Variants in TMPRSS2 observed in about 807,000 individuals in gnomAD.
The protein encoded by TMPRSS2 is transmembrane protease serine 2.
Under a neutral mutation model 67.4 loss-of-function variants are expected in TMPRSS2, and 59 were observed. The ratio of observed to expected loss-of-function variants is 0.88; its 90% CI spans 0.71 to 1.09. TMPRSS2 has a LOEUF of 1.09. Among genes scored for constraint, TMPRSS2 ranks in the 50% least tolerant of loss-of-function variants. The pLI is 0.00. For synonymous variants in TMPRSS2, 257 were observed against 257.0 expected (o/e 1.00, Z 0.00); for missense variants, 668 against 642.7 (o/e 1.04, Z -0.43).
chr21:41,476,046 A>C (rs1219197956), intron 8 of TMPRSS2, among the ~76,000 whole-genome samples: 1 of 152,102 alleles, frequency 6.6e-6, no homozygotes, highest in Non-Finnish European at 1.5e-5. Context: ...GGAAACTGTA[A>C]GCACTCTAAA....
At chr21:41,492,290 A>G (rs79617378) in intron 3 of TMPRSS2, among the ~76,000 whole-genome samples, 1 of 152,232 alleles carries the variant, frequency 6.6e-6, no homozygotes, top group Non-Finnish European at 1.5e-5. Flanking sequence ...TTGTCAACTC[A>G]GCCTCATGGT....
In TMPRSS2 at chr21:41,494,361, G is replaced by A. The variant is rs2091361413; in HGVS notation, c.233C>T (p.Thr78Ile). ...AAACACAAAGAGAATCCTACTTGAG[G>A]TGCACACTGTCCCGGATGGGGATTT... is the stretch of plus-strand genomic sequence containing the variant. ...QPKSPSGTVC[T>I]SKTKKALCIT... The change falls in exon 3 of 14, where the codon ACC (threonine) becomes ATC (isoleucine). Residue 78 changes from threonine (T) to isoleucine (I), a missense_variant. Transcript: ENST00000332149. 1.2e-6 allele frequency: 2 copies of A among 1,611,316 alleles called. No individual in the cohort carries two copies. Among genetic ancestry groups the A allele is most frequent in the East Asian group, 2.2e-5 (1 of 44,874 alleles).
intron 5 of TMPRSS2, among the ~76,000 whole-genome samples, chr21:41,481,148 C>G (rs1384763902): frequency 6.6e-6 from 1 of 152,186 alleles, no homozygotes; most frequent in East Asian, 1.9e-4. Flanking sequence ...CACTGCAACC[C>G]TCTTAAAACA....
chr21:41,495,450 C>A (rs1371562792), intron 2 of TMPRSS2, among the ~76,000 whole-genome samples: 1 of 151,798 alleles, frequency 6.6e-6, no homozygotes, highest in Non-Finnish European at 1.5e-5. Flanking sequence ...ATGGTGAAAC[C>A]CCATCTGTAC....
rs567258163 is a variant in TMPRSS2, at chr21:41,482,056, G to A, written c.446-1454C>T. On this transcript the variant is annotated intron_variant, in intron 5 of 13. Transcript: ENST00000332149. ...AGCCTGGGTGACAGAGCAAAACTCCGTCTCAATAAATAAATAAATAAATAA... is the reference window on the plus strand; with the variant it reads ...AGCCTGGGTGACAGAGCAAAACTCCATCTCAATAAATAAATAAATAAATAA... 3.9e-4 allele frequency among the ~76,000 whole-genome samples: 60 copies of A among 151,906 alleles called. 1 individual carries two copies. The South Asian group carries it at 0.012, about 30-fold the overall frequency.
At chr21:41,495,883 G>A (rs2091377940) in intron 2 of TMPRSS2, among the ~76,000 whole-genome samples, 1 of 149,988 alleles carries the variant, frequency 6.7e-6, no homozygotes, top group African/African-American at 2.5e-5. Flanking sequence ...GCAAACCCAA[G>A]TTTGCCCAAT....
At chr21:41,467,619 T>C in intron 13 of TMPRSS2, 115 bp downstream of exon 13, 1 of 1,275,290 alleles carries the variant, frequency 7.8e-7, no homozygotes. Context: ...AGAGTTTGCT[T>C]CATGCTGACC....
Position 41,488,633 on chromosome 21 carries a change from G to GTGTTTTGTTT in TMPRSS2, c.326-130_326-121dup, listed in dbSNP as rs528452128. ...GCAGCCTCCAACTCCTGGCCCCACTGTGTTTTGTTTTGTTTTGTTTTTGAG... is the reference window on the plus strand; with the variant it reads ...GCAGCCTCCAACTCCTGGCCCCACTGTGTTTTGTTTTGTTTTGTTTTGTTTTGTTTTTGAG... On this transcript the variant is annotated intron_variant, in intron 4 of 13. Coordinates refer to ENST00000332149, the MANE Select transcript of TMPRSS2 (RefSeq NM_005656.4). 32 of 1,184,924 alleles carry GTGTTTTGTTT rather than the reference G, an allele frequency of 2.7e-5. No individual in the cohort carries two copies. In the East Asian group the frequency reaches 8.4e-4, roughly 31 times the overall value. 73.4% of individuals were successfully genotyped at this position (1,184,924 alleles called of 1,614,324 possible).
At chr21:41,488,297 G>T in intron 5 of TMPRSS2, 97 bp downstream of exon 5, 1 of 1,418,898 alleles carries the variant, frequency 7.0e-7, no homozygotes, top group Non-Finnish European at 9.7e-7. Context: ...CAGCGTACTG[G>T]ACGCACGCCA....
chr21:41,499,535 G>C (rs1489542663), intron 1 of TMPRSS2, among the ~76,000 whole-genome samples: 1 of 152,164 alleles, frequency 6.6e-6, no homozygotes, highest in Non-Finnish European at 1.5e-5. Flanking sequence ...GGTGATGTCT[G>C]ATCACCCAGC....
In TMPRSS2 at chr21:41,465,934, C is replaced by T. The variant is rs146564124; in HGVS notation, c.*208G>A. 8,698 of 623,556 alleles carry T rather than the reference C, an allele frequency of 0.014. 87 individuals carry two copies. Among genetic ancestry groups the T allele is most frequent in the Non-Finnish European group, 0.018 (6,366 of 350,702 alleles). 38.6% of individuals were successfully genotyped at this position (623,556 alleles called of 1,614,324 possible). ...ACAACCAGCCGGCCATCACCCCTTG[C>T]GGACAAGGGGTTAGGGAGAGCAGGC... On this transcript the variant is annotated 3_prime_UTR_variant, in exon 14 of 14. Coordinates refer to ENST00000332149, the MANE Select transcript of TMPRSS2 (RefSeq NM_005656.4).
intron 5 of TMPRSS2, among the ~76,000 whole-genome samples, chr21:41,484,066 C>T (rs1032639215): frequency 6.6e-6 from 1 of 152,136 alleles, no homozygotes; most frequent in Non-Finnish European, 1.5e-5. Context: ...CTGCAATGAG[C>T]CATGACTGAG....
At chr21:41,486,072 A>G (rs1024589093) in intron 5 of TMPRSS2, among the ~76,000 whole-genome samples, 39 of 152,222 alleles carry the variant, frequency 2.6e-4, no homozygotes, top group African/African-American at 8.9e-4. Context: ...GTTTCTACAG[A>G]AAACTCCAGG....
chr21:41,501,423 A>G (rs1338159915), intron 1 of TMPRSS2, among the ~76,000 whole-genome samples: 1 of 152,160 alleles, frequency 6.6e-6, no homozygotes. Flanking sequence ...AGCCTGGCCA[A>G]CATAGTGAAA....
intron 1 of TMPRSS2, among the ~76,000 whole-genome samples, chr21:41,507,040 T>A (rs778304080): frequency 1.3e-5 from 2 of 152,148 alleles, no homozygotes; most frequent in Non-Finnish European, 2.9e-5. Flanking sequence ...TCCTCGTGAT[T>A]AGGGCTGCCA....
chr21:41,490,444 C>T (rs903734835), intron 3 of TMPRSS2, among the ~76,000 whole-genome samples: 2 of 152,198 alleles, frequency 1.3e-5, no homozygotes, highest in African/African-American at 2.4e-5. Flanking sequence ...AATTCAAGTG[C>T]TCAGTCATCA....
At position 41,465,439 on chromosome 21, in the gene TMPRSS2, C is replaced by T. The variant is rs578005531; in HGVS notation, c.*703G>A. On this transcript the variant is annotated 3_prime_UTR_variant, in exon 14 of 14. Transcript: ENST00000332149. ...GAGGAGGAAGGCTGAGTCTCCCTCC[C>T]AGGAGCCCCACCCAATGTGCAGGTG... is the stretch of plus-strand genomic sequence containing the variant. 4.3e-6 allele frequency: 1 copy of T among 233,518 alleles called. No homozygotes were observed. Among genetic ancestry groups the T allele is most frequent in the South Asian group, 1.8e-4 (1 of 5,536 alleles). The allele number at this position is 233,518 out of a possible 1,614,324, so 14.5% of individuals were successfully genotyped here. A position where few individuals can be genotyped will look rare whatever the true frequency, so the allele number is the denominator to read the frequency against.
rs1040509611 is a variant in TMPRSS2 at position 41,508,050 on chromosome 21, G to A, written c.-57+31C>T. 6.9e-6 allele frequency: 9 copies of A among 1,295,862 alleles called. No homozygotes were observed. In the African/African-American group the frequency reaches 9.3e-5, roughly 13 times the overall value. 80.3% of individuals were successfully genotyped at this position (1,295,862 alleles called of 1,614,324 possible). On this transcript the variant is annotated intron_variant, in intron 1 of 13. Coordinates refer to ENST00000332149, the MANE Select transcript of TMPRSS2 (RefSeq NM_005656.4). ...GGTTCCCCTCCCCAGCCCGGACCCCGAGCCGGGACCCTGGTACCGGCGCCG... is the reference window on the plus strand; with the variant it reads ...GGTTCCCCTCCCCAGCCCGGACCCCAAGCCGGGACCCTGGTACCGGCGCCG...
intron 1 of TMPRSS2, among the ~76,000 whole-genome samples, chr21:41,500,389 G>A (rs901436235): frequency 2.0e-5 from 3 of 152,166 alleles, no homozygotes; most frequent in Non-Finnish European, 1.5e-5. Flanking sequence ...GTTTGCCTTC[G>A]GTAAGTATTC....
Sources: allele counts gnomAD v4.1 joint callset (sites outside exome capture counted in the v4.1 genomes callset), GRCh38; gene constraint gnomAD v4.1.1; transcripts MANE v1.5; gene names NCBI Gene and HGNC (gene_info 2026-07-23, HGNC 2026-07-21).